KCNMB4: variants seen among roughly 807,000 people sequenced by gnomAD.
The protein encoded by KCNMB4 is calcium-activated potassium channel subunit beta-4.
A neutral mutation model predicts 20.7 loss-of-function variants in KCNMB4; 3 were observed. The observed-to-expected ratio is 0.14, with a 90% confidence interval of 0.07 to 0.37. The LOEUF is 0.37. Among genes scored for constraint, KCNMB4 ranks in the 10% least tolerant of loss-of-function variants. KCNMB4 has a pLI of 1.00. For synonymous variants in KCNMB4, 110 were observed against 113.4 expected (o/e 0.97, Z 0.19); for missense variants, 168 against 265.9 (o/e 0.63, Z 2.56).
At chr12:70,414,936 A>G (rs986448636) in intron 2 of KCNMB4, among the ~76,000 whole-genome samples, 1 of 152,270 alleles carries the variant, frequency 6.6e-6, no homozygotes, top group African/African-American at 2.4e-5. Flanking sequence ...TCATAATTCT[A>G]TCTTAATTGT....
intron 2 of KCNMB4, among the ~76,000 whole-genome samples, chr12:70,420,639 A>G (rs1377475554): frequency 2.3e-4 from 35 of 152,248 alleles, no homozygotes; most frequent in Admixed American, 2.3e-3. Context: ...AAGAAACTAC[A>G]TCTGTGTTGC....
In KCNMB4 at chr12:70,408,698, C is replaced by T. The variant is rs141541231; in HGVS notation, c.464+8362C>T. ...AAGGGTTGAGTCCATTTGTGGCCCT[C>T]CCATATAACCTTTCCACTCTTTGCC... On this transcript the variant is annotated intron_variant, in intron 2 of 2. Coordinates refer to ENST00000258111, the MANE Select transcript of KCNMB4 (RefSeq NM_014505.6). 4.3e-4 allele frequency among the ~76,000 whole-genome samples: 66 copies of T among 152,210 alleles called. No homozygotes were observed. The East Asian group carries it at 0.013, about 29-fold the overall frequency.
At chr12:70,379,353 T>C (rs1326517584) in intron 1 of KCNMB4, among the ~76,000 whole-genome samples, 2 of 152,264 alleles carry the variant, frequency 1.3e-5, no homozygotes, top group African/African-American at 2.4e-5. Flanking sequence ...GCCACCTTTA[T>C]AAATTATCTA....
In KCNMB4 at chr12:70,425,148, A is replaced by G. The variant is rs138670687; in HGVS notation, c.465-5337A>G. ...TGGAGTTTTGCCAAAAAAACAAAAA[A>G]CATTGAGGCCAGGTGTGGTGGCTCA... On this transcript the variant is annotated intron_variant, in intron 2 of 2. Transcript: ENST00000258111. Among the ~76,000 whole-genome samples, 668 of 152,270 alleles carry G rather than the reference A, an allele frequency of 4.4e-3. 1 individual carries two copies. The highest frequency in any genetic ancestry group is 7.4e-3 in the Non-Finnish European group (502 of 68,020).
At chr12:70,389,538 A>G (rs1868283421) in intron 1 of KCNMB4, among the ~76,000 whole-genome samples, 1 of 152,170 alleles carries the variant, frequency 6.6e-6, no homozygotes. Context: ...TACAAAAAAT[A>G]CAAAAATTAG....
chr12:70,424,623 G>A (rs919460762), intron 2 of KCNMB4, among the ~76,000 whole-genome samples: 3 of 151,318 alleles, frequency 2.0e-5, no homozygotes, highest in Non-Finnish European at 2.9e-5. Flanking sequence ...GGTGGCACAC[G>A]CCTGTAATCC....
chr12:70,396,953 T>C (rs1868359072), intron 1 of KCNMB4, among the ~76,000 whole-genome samples: 2 of 152,214 alleles, frequency 1.3e-5, no homozygotes, highest in African/African-American at 2.4e-5. Context: ...ACTAAGTGAA[T>C]TGAGAAGGAA....
intron 1 of KCNMB4, among the ~76,000 whole-genome samples, chr12:70,393,888 C>T (rs1025648649): frequency 1.3e-5 from 2 of 152,110 alleles, no homozygotes; most frequent in Non-Finnish European, 2.9e-5. Flanking sequence ...TACACAGCCT[C>T]TGTACATTCC....
chr12:70,430,416 G>A, intron 2 of KCNMB4, 69 bp from the exon 3 acceptor site: 2 of 1,546,072 alleles, frequency 1.3e-6, no homozygotes, highest in Non-Finnish European at 1.8e-6. Context: ...TTGGCTTTAG[G>A]TTGTAAAGAG....
At chr12:70,376,164 AAC>A (rs561948430) in intron 1 of KCNMB4, among the ~76,000 whole-genome samples, 19 of 140,532 alleles carry the variant, frequency 1.4e-4, no homozygotes, top group South Asian at 4.4e-4. Context: ...AAAAAAAAAA[AAC>A]CAACAAATTA....
chr12:70,385,348 C>A (rs1348585534), intron 1 of KCNMB4, among the ~76,000 whole-genome samples: 3 of 152,202 alleles, frequency 2.0e-5, no homozygotes, highest in Non-Finnish European at 4.4e-5. Context: ...GATTTGAGAG[C>A]ATCTACCTCC....
intron 2 of KCNMB4, among the ~76,000 whole-genome samples, chr12:70,415,663 TC>T (rs1394230417): frequency 6.6e-6 from 1 of 152,244 alleles, no homozygotes; most frequent in African/African-American, 2.4e-5. Context: ...ATCTGTTCTT[TC>T]ATGTCTGCTG....
chr12:70,427,381 T>A (rs1350704699), intron 2 of KCNMB4, among the ~76,000 whole-genome samples: 2 of 152,204 alleles, frequency 1.3e-5, no homozygotes, highest in East Asian at 3.9e-4. Flanking sequence ...AACTGAATGA[T>A]AAGCGTGAGC....
chr12:70,430,038 C>T (rs367727271), intron 2 of KCNMB4, among the ~76,000 whole-genome samples: 66 of 147,124 alleles, frequency 4.5e-4, no homozygotes, highest in African/African-American at 1.4e-3. Flanking sequence ...TTTAACTGAC[C>T]TTTTTTTTTT....
chr12:70,374,874 C>T (rs916336658), intron 1 of KCNMB4, among the ~76,000 whole-genome samples: 1 of 152,136 alleles, frequency 6.6e-6, no homozygotes, highest in Non-Finnish European at 1.5e-5. Context: ...TTATATTTCA[C>T]TGGAGAAAAC....
chr12:70,388,185 C>T (rs1434390758), intron 1 of KCNMB4, among the ~76,000 whole-genome samples: 5 of 152,070 alleles, frequency 3.3e-5, no homozygotes, highest in African/African-American at 1.2e-4. Flanking sequence ...CAATAGTACT[C>T]TATTGTATAT....
chr12:70,424,859 A>G (rs1185162802), intron 2 of KCNMB4, among the ~76,000 whole-genome samples: 1 of 152,178 alleles, frequency 6.6e-6, no homozygotes, highest in Non-Finnish European at 1.5e-5. Context: ...CTGTGATTGC[A>G]TAGGAAGACA....
At chr12:70,399,514 A>C in intron 1 of KCNMB4, among the ~76,000 whole-genome samples, 1 of 152,246 alleles carries the variant, frequency 6.6e-6, no homozygotes, top group East Asian at 1.9e-4. Context: ...TAAAAAGCTG[A>C]ATTGCAGAAA....
At chr12:70,428,020 C>G (rs773072363) in intron 2 of KCNMB4, among the ~76,000 whole-genome samples, 7 of 151,914 alleles carry the variant, frequency 4.6e-5, no homozygotes, top group Non-Finnish European at 8.8e-5. Context: ...ACATCAAAAC[C>G]ATTTTTTTTT....
Sources: allele counts gnomAD v4.1 joint callset (sites outside exome capture counted in the v4.1 genomes callset), GRCh38; gene constraint gnomAD v4.1.1; transcripts MANE v1.5; gene names NCBI Gene and HGNC (gene_info 2026-07-23, HGNC 2026-07-21).